Variants in EFCAB5 observed in about 807,000 individuals in gnomAD.
EFCAB5 encodes EF-hand calcium binding domain 5.
Under a neutral mutation model 167.9 loss-of-function variants are expected in EFCAB5, and 131 were observed. The observed-to-expected ratio is 0.78, with a 90% CI of 0.68 to 0.90. EFCAB5 has a LOEUF of 0.90. Among genes scored for constraint, EFCAB5 ranks in the 40% least tolerant of loss-of-function variants. The pLI is 0.00. For synonymous variants in EFCAB5, 574 were observed against 602.8 expected, an observed-to-expected ratio of 0.95 and a Z score of 0.70; for missense variants, 1,663 against 1,745.2, an observed-to-expected ratio of 0.95 and a Z score of 0.84.
chr17:29,969,475 TA>T, intron 4 of EFCAB5, 108 bp downstream of exon 4: 2 of 1,010,540 alleles, frequency 2.0e-6, no homozygotes, highest in Non-Finnish European at 1.4e-6. Context: ...ATTCTACAGT[TA>T]TTCAGAAAGT....
intron 17 of EFCAB5, 117 bp downstream of exon 17, chr17:30,081,098 A>C (rs576171424): frequency 1.3e-6 from 1 of 765,436 alleles, no homozygotes; most frequent in African/African-American, 1.8e-5. Flanking sequence ...TAACATCATC[A>C]TACTTGCTCC....
chr17:29,987,623 T>C (rs565103324), intron 4 of EFCAB5, among the ~76,000 whole-genome samples: 2 of 152,308 alleles, frequency 1.3e-5, no homozygotes, highest in Admixed American at 1.3e-4. Flanking sequence ...ATAATCCCTG[T>C]TTTCCCCCCT....
chr17:30,086,836 G>A (rs1430513063), intron 18 of EFCAB5, among the ~76,000 whole-genome samples: 3 of 152,092 alleles, frequency 2.0e-5, no homozygotes, highest in Non-Finnish European at 4.4e-5. Flanking sequence ...AGATTGTGGT[G>A]AGCCAAGATC....
chr17:30,100,482 T>G (rs1456429182), intron 22 of EFCAB5, among the ~76,000 whole-genome samples: 1 of 151,972 alleles, frequency 6.6e-6, no homozygotes, highest in Non-Finnish European at 1.5e-5. Context: ...GAAGGTGAGA[T>G]TTAGGCCGGG....
intron 7 of EFCAB5, among the ~76,000 whole-genome samples, chr17:30,022,839 C>A (rs571908426): frequency 1.6e-4 from 24 of 152,136 alleles, no homozygotes; most frequent in African/African-American, 5.3e-4. Flanking sequence ...TCTCTCGGAC[C>A]ACAGTGCAAT....
chr17:30,068,897 A>G, intron 14 of EFCAB5: 8 of 1,537,092 alleles, frequency 5.2e-6, no homozygotes, highest in Non-Finnish European at 7.2e-6. Context: ...AGGATGACAG[A>G]CACAGAACGA....
chr17:30,009,694 A>C (rs868647979), intron 7 of EFCAB5, among the ~76,000 whole-genome samples: 11 of 152,290 alleles, frequency 7.2e-5, no homozygotes, highest in Middle Eastern at 3.4e-3. Context: ...ACCACTATGA[A>C]CATTTGTGCC....
At chr17:30,029,110 C>G (rs533642408) in intron 7 of EFCAB5, among the ~76,000 whole-genome samples, 31 of 152,080 alleles carry the variant, frequency 2.0e-4, no homozygotes, top group African/African-American at 7.5e-4. Context: ...ATAAATGTGG[C>G]CTTTGTTCAA....
rs140781092 is a variant in EFCAB5, at chr17:30,086,890, C to G, written c.3580-173C>G. On this transcript the variant is annotated intron_variant, in intron 18 of 22. Coordinates refer to ENST00000394835, the MANE Select transcript of EFCAB5 (RefSeq NM_198529.4). ...CTGGGCAACAAGAGTGAAACTCCAT[C>G]TCGAAAAAAAAAAATTATCCTGTTC... Among the ~76,000 whole-genome samples, 647 of 147,368 alleles carry G rather than the reference C, an allele frequency of 4.4e-3. 5 individuals are homozygous for G. Among genetic ancestry groups the G allele is most frequent in the African/African-American group, 0.017 (626 of 37,208 alleles).
chr17:30,060,442 G>T (rs1350369568), intron 14 of EFCAB5, among the ~76,000 whole-genome samples: 1 of 152,056 alleles, frequency 6.6e-6, no homozygotes, highest in African/African-American at 2.4e-5. Context: ...ATTCCAGTAT[G>T]ATAAATTCCT....
In EFCAB5 at chr17:30,068,747, G is replaced by T. The variant is rs931421496; in HGVS notation, c.2737+9046G>T. ...GATGGCAGCCGGGATGAGCTGTTCC[G>T]CAGGAGTCCCTGGCCCAAGGGCAAC... On this transcript the variant is annotated intron_variant, in intron 14 of 22. Transcript: ENST00000394835. 7.0e-6 allele frequency: 10 copies of T among 1,433,736 alleles called. 1 individual carries two copies. In the South Asian group the frequency reaches 1.1e-4, roughly 16 times the overall value. 88.8% of individuals were successfully genotyped at this position (1,433,736 alleles called of 1,614,324 possible). A position where few individuals can be genotyped will look rare whatever the true frequency, so the allele number is the denominator to read the frequency against.
intron 14 of EFCAB5, chr17:30,068,627 C>T: frequency 6.7e-7 from 1 of 1,499,980 alleles, no homozygotes. Flanking sequence ...GTGCGGGTCG[C>T]TAGGGCGGTG....
At chr17:30,017,995 T>G (rs2069088073) in intron 7 of EFCAB5, among the ~76,000 whole-genome samples, 1 of 152,194 alleles carries the variant, frequency 6.6e-6, no homozygotes, top group Non-Finnish European at 1.5e-5. Context: ...ATTGTAGTTT[T>G]TTAAAGAAGA....
chr17:30,106,205 G>A (rs2071447222), intron 22 of EFCAB5, among the ~76,000 whole-genome samples: 1 of 151,796 alleles, frequency 6.6e-6, no homozygotes, highest in Admixed American at 6.6e-5. Context: ...TGGGAGGATT[G>A]CTTGAGGCCA....
intron 15 of EFCAB5, 134 bp from the exon 16 acceptor site, chr17:30,079,938 A>G (rs1156632564): frequency 1.9e-6 from 2 of 1,035,516 alleles, no homozygotes; most frequent in Non-Finnish European, 2.7e-6. Context: ...GCCCATGAAT[A>G]GTAATATATG....
intron 8 of EFCAB5, among the ~76,000 whole-genome samples, chr17:30,035,649 A>G (rs1362919802): frequency 6.6e-6 from 1 of 152,166 alleles, no homozygotes; most frequent in Non-Finnish European, 1.5e-5. Flanking sequence ...AATGTGATTA[A>G]ATTATGTGGG....
At chr17:30,101,846 C>G (rs1330374183) in intron 22 of EFCAB5, among the ~76,000 whole-genome samples, 3 of 152,184 alleles carry the variant, frequency 2.0e-5, no homozygotes, top group African/African-American at 7.2e-5. Flanking sequence ...ATGTTGAAGA[C>G]AGAGAATTCC....
At chr17:29,946,734 G>A (rs1192946603) in intron 3 of EFCAB5, among the ~76,000 whole-genome samples, 2 of 151,868 alleles carry the variant, frequency 1.3e-5, no homozygotes, top group African/African-American at 4.8e-5. Flanking sequence ...CACCACGCCC[G>A]GCTGAGTATG....
chr17:30,036,355 TAATATATAATTATATATAATACACATATA>T (rs1192091047), intron 8 of EFCAB5, among the ~76,000 whole-genome samples: 4 of 122,406 alleles, frequency 3.3e-5, no homozygotes, highest in African/African-American at 1.1e-4. Context: ...TACACATATA[TAATATATAATTATATATAATACACATATA>T]TAATATATAA....
Sources: gnomAD v4.1 joint callset for allele counts (sites outside exome capture counted in the v4.1 genomes callset) on GRCh38, gnomAD v4.1.1 for gene constraint, MANE v1.5 for transcripts, NCBI Gene and HGNC (gene_info 2026-07-23, HGNC 2026-07-21) for gene names.